Variants in DCC observed in about 807,000 individuals in gnomAD.
DCC encodes netrin receptor DCC.
A neutral mutation model predicts 172.5 loss-of-function variants in DCC; 58 were observed. That is an observed-to-expected ratio of 0.34 (90% CI 0.27 to 0.42). DCC has a LOEUF of 0.42. DCC is among the 10% of genes least tolerant of loss of function. The pLI is 1.00. For missense variants in DCC, 1,740 were observed against 1,791.0 expected, an observed-to-expected ratio of 0.97 and a Z score of 0.51; for synonymous variants, 709 against 644.5, an observed-to-expected ratio of 1.10 and a Z score of -1.52.
In DCC at chr18:53,088,939, A is replaced by G. The variant is rs146216206; in HGVS notation, c.1261+22773A>G. 5.9e-5 allele frequency among the ~76,000 whole-genome samples: 9 copies of G among 152,358 alleles called. No individual in the cohort carries two copies. The East Asian group carries it at 1.2e-3, about 20-fold the overall frequency. On this transcript the variant is annotated intron_variant, in intron 7 of 28. Coordinates refer to ENST00000442544, the MANE Select transcript of DCC (RefSeq NM_005215.4). The stretch of plus-strand genomic sequence containing the variant: ...TTGATTGATAAGTTTGTGATACTTG[A>G]TAATATGAATATGCTCTAATAAGTA...
chr18:53,348,211 G>A lies in DCC; in HGVS notation c.2359+8304G>A, dbSNP rs539689065. Among the ~76,000 whole-genome samples, 11 of 152,230 alleles carry A rather than the reference G, an allele frequency of 7.2e-5. No individual in the cohort carries two copies. The East Asian group carries it at 1.4e-3, about 19-fold the overall frequency. On this transcript the variant is annotated intron_variant, in intron 15 of 28. Transcript: ENST00000442544. ...TAGATACAATGCAGGGACAGACATC[G>A]GGTAAATACAGCCATTCCAAATGGG...
In DCC at chr18:53,530,854, G is replaced by T. The variant is rs2046518264; in HGVS notation, c.*201G>T. The T allele has an allele frequency of 4.7e-6, 3 of 638,812 alleles. No homozygotes were observed. The highest frequency in any genetic ancestry group is 8.5e-6 in the Non-Finnish European group (3 of 354,056). The allele number at this position is 638,812 out of a possible 1,614,324, so 39.6% of individuals were successfully genotyped here. On this transcript the variant is annotated 3_prime_UTR_variant, in exon 29 of 29. Transcript: ENST00000442544. Reference sequence around the variant, plus strand: ...CAGGCATCAGGAATTGTCAAATGATGATTATGAGTTCCCTAAACAAAAGCA... The same window carrying T: ...CAGGCATCAGGAATTGTCAAATGATTATTATGAGTTCCCTAAACAAAAGCA...
At chr18:53,051,822 A>G (rs560017141) in intron 5 of DCC, among the ~76,000 whole-genome samples, 1 of 152,168 alleles carries the variant, frequency 6.6e-6, no homozygotes, top group African/African-American at 2.4e-5. Context: ...ATATATCTCT[A>G]TCTTTTGAGA....
chr18:52,446,693 G>C (rs553753303), intron 1 of DCC, among the ~76,000 whole-genome samples: 1 of 152,154 alleles, frequency 6.6e-6, no homozygotes, highest in Non-Finnish European at 1.5e-5. Context: ...CTTTGGTATT[G>C]ATGTTACTGT....
chr18:53,407,938 C>G (rs879467711), intron 19 of DCC, among the ~76,000 whole-genome samples: 4 of 152,050 alleles, frequency 2.6e-5, no homozygotes, highest in Non-Finnish European at 5.9e-5. Context: ...AATTTTAGAA[C>G]TCCAAGTTTA....
intron 27 of DCC, among the ~76,000 whole-genome samples, chr18:53,513,830 A>T (rs1462566119): frequency 6.7e-6 from 1 of 149,496 alleles, no homozygotes; most frequent in African/African-American, 2.5e-5. Flanking sequence ...TGAGTGACCT[A>T]CAAAGCGACT....
chr18:53,262,451 G>GC (rs772852169), intron 12 of DCC, among the ~76,000 whole-genome samples: 9 of 152,200 alleles, frequency 5.9e-5, no homozygotes, highest in Non-Finnish European at 1.3e-4. Context: ...GATCCTCCTG[G>GC]CCAGACATTT....
At chr18:53,501,676 T>C (rs558046943) in intron 27 of DCC, among the ~76,000 whole-genome samples, 16 of 152,250 alleles carry the variant, frequency 1.1e-4, no homozygotes, top group African/African-American at 3.8e-4. Flanking sequence ...AAGTAAAAAC[T>C]TTAAGAATAA....
intron 12 of DCC, among the ~76,000 whole-genome samples, chr18:53,270,730 G>A (rs1174162236): frequency 6.6e-6 from 1 of 151,948 alleles, no homozygotes; most frequent in East Asian, 1.9e-4. Flanking sequence ...TTATGTTTTA[G>A]GGCCCTAACC....
At chr18:52,754,634 C>T (rs904453919) in intron 2 of DCC, among the ~76,000 whole-genome samples, 16 of 152,184 alleles carry the variant, frequency 1.1e-4, no homozygotes, top group Admixed American at 2.6e-4. Flanking sequence ...TTGTTTACAG[C>T]CTACCCAGTC....
rs143285156 is a variant in DCC at position 52,459,368 on chromosome 18, A to G, written c.91+118490A>G. Among the ~76,000 whole-genome samples, 51 of 152,182 alleles carry G rather than the reference A, an allele frequency of 3.4e-4. No homozygotes were observed. In the East Asian group the frequency reaches 9.5e-3, roughly 28 times the overall value. ...CTCCTCCCACCCTCCACCCTCAAGTAGGTACCGGTGTCTGTTGTTTCCCTC... is the reference window on the plus strand; with the variant it reads ...CTCCTCCCACCCTCCACCCTCAAGTGGGTACCGGTGTCTGTTGTTTCCCTC... On this transcript the variant is annotated intron_variant, in intron 1 of 28. Transcript: ENST00000442544.
chr18:52,667,278 G>A (rs979643187), intron 1 of DCC, among the ~76,000 whole-genome samples: 1 of 152,184 alleles, frequency 6.6e-6, no homozygotes, highest in Non-Finnish European at 1.5e-5. Context: ...GGTAGTAGAT[G>A]ATATATGCCA....
intron 14 of DCC, among the ~76,000 whole-genome samples, chr18:53,336,225 A>T (rs1020423176): frequency 3.3e-5 from 5 of 152,200 alleles, no homozygotes; most frequent in Non-Finnish European, 5.9e-5. Context: ...AGCAAATTTC[A>T]GTTGCAGACT....
chr18:52,466,952 G>T (rs1988801615), intron 1 of DCC, among the ~76,000 whole-genome samples: 2 of 152,016 alleles, frequency 1.3e-5, no homozygotes, highest in African/African-American at 4.8e-5. Context: ...GTCAATGGCA[G>T]AACCCGGATT....
chr18:53,404,764 AAAAG>A (rs953853495), intron 19 of DCC, among the ~76,000 whole-genome samples: 12 of 152,022 alleles, frequency 7.9e-5, no homozygotes, highest in African/African-American at 2.9e-4. Context: ...AATTAAAAAA[AAAAG>A]AAATGCAAAT....
chr18:53,351,354 G>C (rs1170645074), intron 15 of DCC, among the ~76,000 whole-genome samples: 8 of 37,172 alleles, frequency 2.2e-4, no homozygotes, highest in African/African-American at 4.9e-4. Context: ...TATATACACA[G>C]TATATATATA....
chr18:52,966,860 G>A (rs746896256), intron 5 of DCC, among the ~76,000 whole-genome samples: 1 of 152,144 alleles, frequency 6.6e-6, no homozygotes, highest in Non-Finnish European at 1.5e-5. Context: ...TAATTAATAT[G>A]AACCACTTGA....
chr18:52,782,210 A>G (rs1283766784), intron 2 of DCC, among the ~76,000 whole-genome samples: 1 of 152,128 alleles, frequency 6.6e-6, no homozygotes, highest in Non-Finnish European at 1.5e-5. Flanking sequence ...GGACCCCTAT[A>G]TAGTTCAACA....
chr18:53,079,870 T>C (rs957682393), intron 7 of DCC, among the ~76,000 whole-genome samples: 2 of 152,152 alleles, frequency 1.3e-5, no homozygotes, highest in Non-Finnish European at 2.9e-5. Flanking sequence ...CAGTGAATTA[T>C]GTGTGGTTCT....
Sources: gnomAD v4.1 joint callset for allele counts (sites outside exome capture counted in the v4.1 genomes callset) on GRCh38, gnomAD v4.1.1 for gene constraint, MANE v1.5 for transcripts, NCBI Gene and HGNC (gene_info 2026-07-23, HGNC 2026-07-21) for gene names.